Variants in EP400 observed in about 807,000 individuals in gnomAD.
EP400 encodes E1A-binding protein p400.
EP400 carries 105 observed loss-of-function variants against 354.1 expected under a neutral mutation model. That is an observed-to-expected ratio of 0.30 (90% CI 0.25 to 0.35). EP400 has a LOEUF of 0.35. Ranked by LOEUF, EP400 falls within the 10% of genes least tolerant of loss-of-function variation. EP400 has a pLI of 1.00. For missense variants in EP400, 3,280 were observed against 4,121.0 expected, an observed-to-expected ratio of 0.80 and a Z score of 5.59; for synonymous variants, 1,646 against 1,716.9, an observed-to-expected ratio of 0.96 and a Z score of 1.02.
At chr12:131,988,257 C>G (rs7953452) in intron 7 of EP400, among the ~76,000 whole-genome samples, 4 of 152,146 alleles carry the variant, frequency 2.6e-5, no homozygotes, top group African/African-American at 9.7e-5. Flanking sequence ...GTAATTAAGT[C>G]TCTGAGGTGG....
At position 132,003,305 on chromosome 12, in the gene EP400, G is replaced by A. The variant is rs973299345; in HGVS notation, c.2828-1772G>A. Among the ~76,000 whole-genome samples, 4 of 151,818 alleles carry A rather than the reference G, an allele frequency of 2.6e-5. No individual in the cohort carries two copies. In the South Asian group the frequency reaches 6.2e-4, roughly 24 times the overall value. On this transcript the variant is annotated intron_variant, in intron 12 of 52. Coordinates refer to ENST00000389561, the MANE Select transcript of EP400 (RefSeq NM_015409.5). ...AAAATGTGTAACAACTATTTACATAGCATTCACATTGTATTAGGTATTATA... is the reference window on the plus strand; with the variant it reads ...AAAATGTGTAACAACTATTTACATAACATTCACATTGTATTAGGTATTATA...
intron 2 of EP400, among the ~76,000 whole-genome samples, chr12:131,966,470 C>T (rs779551279): frequency 3.4e-5 from 5 of 145,096 alleles, no homozygotes; most frequent in East Asian, 4.1e-4. Flanking sequence ...TCAGGAGGCA[C>T]GAGAATTGCT....
In EP400 at chr12:132,050,175, G is replaced by A; in HGVS notation, c.7201-148G>A. The A allele has an allele frequency of 1.0e-5, 10 of 975,374 alleles. No homozygotes were observed. The highest frequency in any genetic ancestry group is 1.5e-5 in the Non-Finnish European group (10 of 665,042). 60.4% of individuals were successfully genotyped at this position (975,374 alleles called of 1,614,324 possible). A position where few individuals can be genotyped will look rare whatever the true frequency, so the allele number is the denominator to read the frequency against. ...ATGCCGCTGCTGTTGGGTTATGCCTGAACTTGGAAAGAAGGCCCAGGAAAA... is the reference window on the plus strand; with the variant it reads ...ATGCCGCTGCTGTTGGGTTATGCCTAAACTTGGAAAGAAGGCCCAGGAAAA... On this transcript the variant is annotated intron_variant, in intron 39 of 52. Transcript: ENST00000389561. The surrounding 1 kb of genome is among the most constrained non-coding windows in gnomAD (Gnocchi z 4.8).
intron 5 of EP400, among the ~76,000 whole-genome samples, chr12:131,985,575 C>CT (rs1407896729): frequency 6.6e-6 from 1 of 152,168 alleles, no homozygotes; most frequent in Non-Finnish European, 1.5e-5. Flanking sequence ...TTCTCTGTGA[C>CT]TTTAAGTCTG....
In EP400 at chr12:132,032,038, T is replaced by C. The variant is rs1237785796; in HGVS notation, c.5840T>C (p.Val1947Ala). ...AGCCGTACCACAGGTATAAACCTTG[T>C]AGAGGCGGACACCGTCGTGTTTTAT... ...THSRTTGINL[V>A]EADTVVFYDN... The change falls in exon 30 of 53, where the codon GTA becomes GCA. Residue 1947 changes from valine (V) to alanine (A), a missense_variant. This residue lies in a region of EP400 where 459 missense variants were observed against 496.9 expected (regional missense o/e 0.92). Coordinates refer to ENST00000389561, the MANE Select transcript of EP400 (RefSeq NM_015409.5). 2 of 1,614,194 alleles carry C rather than the reference T, an allele frequency of 1.2e-6. No homozygotes were observed. Among genetic ancestry groups the C allele is most frequent in the South Asian group, 2.2e-5 (2 of 91,084 alleles).
chr12:131,962,315 C>T (rs1239719427), intron 2 of EP400, among the ~76,000 whole-genome samples: 3 of 152,328 alleles, frequency 2.0e-5, no homozygotes, highest in African/African-American at 2.4e-5. Context: ...TGTTGGCTGA[C>T]GCTGACAGCT....
At chr12:131,965,416 A>G (rs1211351262) in intron 2 of EP400, among the ~76,000 whole-genome samples, 1 of 152,224 alleles carries the variant, frequency 6.6e-6, no homozygotes, top group African/African-American at 2.4e-5. Context: ...TTCTAACTCC[A>G]TCATTCTGTC....
At position 132,051,178 on chromosome 12, in the gene EP400, G is replaced by A. The variant is rs137987373; in HGVS notation, c.7394+523G>A. 5.3e-5 allele frequency among the ~76,000 whole-genome samples: 8 copies of A among 152,336 alleles called. No homozygotes were observed. The East Asian group carries it at 5.8e-4, about 11-fold the overall frequency. ...TGCCAGGCACATGGGTGTCTGTAGCGTTTCTGACTGTCGGACTCTTTCCAT... is the reference window on the plus strand; with the variant it reads ...TGCCAGGCACATGGGTGTCTGTAGCATTTCTGACTGTCGGACTCTTTCCAT... On this transcript the variant is annotated intron_variant, in intron 41 of 52. Transcript: ENST00000389561.
chr12:132,005,978 C>T (rs1893566121), intron 13 of EP400, 134 bp from the exon 14 acceptor site: 1 of 829,906 alleles, frequency 1.2e-6, no homozygotes, highest in Admixed American at 3.1e-5. Flanking sequence ...TTTTGGATTA[C>T]AAATAAAAAA....
intron 32 of EP400, among the ~76,000 whole-genome samples, chr12:132,040,012 C>T (rs934667332): frequency 1.3e-5 from 2 of 152,218 alleles, no homozygotes; most frequent in Non-Finnish European, 2.9e-5. Context: ...TGCACTCCAA[C>T]CTGGGTGACA....
chr12:132,050,280 C>A lies in EP400; in HGVS notation c.7201-43C>A, dbSNP rs574672291. On this transcript the variant is annotated intron_variant, in intron 39 of 52. Coordinates refer to ENST00000389561, the MANE Select transcript of EP400 (RefSeq NM_015409.5). This position sits in a 1 kb window ranked among gnomAD's most constrained non-coding sequence, Gnocchi z 4.8. ...CCTGTGTCCCACGCAGCCGTCTGTC[C>A]ATGCTGCCTAATTCAGATGCACTCT... is the stretch of plus-strand genomic sequence containing the variant. 2 of 1,610,346 alleles carry A rather than the reference C, an allele frequency of 1.2e-6. No homozygotes were observed. The highest frequency in any genetic ancestry group is 1.7e-6 in the Non-Finnish European group (2 of 1,177,458).
In EP400 at chr12:132,043,165, G is replaced by T. The variant is rs1469738674; in HGVS notation, c.6208-139G>T. The T allele has an allele frequency of 1.0e-5, 9 of 860,760 alleles. No individual in the cohort carries two copies. The African/African-American group carries it at 1.6e-4, about 15-fold the overall frequency. The allele number at this position is 860,760 out of a possible 1,614,324, so 53.3% of individuals were successfully genotyped here. On this transcript the variant is annotated intron_variant, in intron 32 of 52. Coordinates refer to ENST00000389561, the MANE Select transcript of EP400 (RefSeq NM_015409.5). ...ATTTTCACCTGTAAGAGGACCTCAG[G>T]GAAGGAGTGGATTACCTTTATGGAG...
chr12:132,002,757 G>A (rs1038726355), intron 12 of EP400, among the ~76,000 whole-genome samples: 1 of 152,218 alleles, frequency 6.6e-6, no homozygotes, highest in Admixed American at 6.5e-5. Flanking sequence ...GGTCACACCG[G>A]TCAGGCCAGG....
Position 132,006,297 on chromosome 12 carries a change from A to G in EP400, c.3121A>G (p.Thr1041Ala), listed in dbSNP as rs757961347. 2.5e-6 allele frequency: 4 copies of G among 1,614,008 alleles called. No homozygotes were observed. The South Asian group carries it at 3.3e-5, about 13-fold the overall frequency. The change falls in exon 14 of 53, where the codon ACC (threonine) becomes GCC (alanine). Residue 1041 changes from threonine (T) to alanine (A), a missense_variant. Around this residue, in one of 20 missense-constraint regions of EP400, gnomAD observed 800 missense variants for 840.0 expected, o/e 0.95. Transcript: ENST00000389561. ...GCCGAAGGGCAGTGCTCGGGTCACAACCTCGGTGAGGCGCTAAGCTTTCAA... is the reference window on the plus strand; with the variant it reads ...GCCGAAGGGCAGTGCTCGGGTCACAGCCTCGGTGAGGCGCTAAGCTTTCAA... ...ILPKGSARVT[T>A]SVKFNAPSLL...
chr12:131,985,238 C>CGAAA (rs1892815239), intron 5 of EP400, among the ~76,000 whole-genome samples: 3 of 152,262 alleles, frequency 2.0e-5, no homozygotes, highest in Admixed American at 2.0e-4. Flanking sequence ...CACACTTTCT[C>CGAAA]AGTCAAGGGC....
At chr12:132,043,966 C>A (rs1894998948) in intron 34 of EP400, among the ~76,000 whole-genome samples, 1 of 152,144 alleles carries the variant, frequency 6.6e-6, no homozygotes. Context: ...GGAGCTTGTT[C>A]TACCCCTGTA....
intron 1 of EP400, among the ~76,000 whole-genome samples, chr12:131,956,761 G>C (rs1891714409): frequency 6.6e-6 from 1 of 152,058 alleles, no homozygotes; most frequent in Admixed American, 6.6e-5. Flanking sequence ...AGTGGATCTA[G>C]GGAAATATTT....
intron 27 of EP400, among the ~76,000 whole-genome samples, chr12:132,028,712 CCGGTGGGCA>C (rs1334868745): frequency 6.6e-6 from 1 of 152,218 alleles, no homozygotes; most frequent in Non-Finnish European, 1.5e-5. Flanking sequence ...AATCTGAGCA[CCGGTGGGCA>C]CGGTGGGCAC....
chr12:132,024,886 G>A (rs1395049211), intron 24 of EP400, among the ~76,000 whole-genome samples: 2 of 149,758 alleles, frequency 1.3e-5, no homozygotes, highest in African/African-American at 2.5e-5. Context: ...CAGCCTCAGC[G>A]ACTGCCTTCC....
Sources: allele counts gnomAD v4.1 joint callset (sites outside exome capture counted in the v4.1 genomes callset), GRCh38; gene constraint gnomAD v4.1.1; regional missense constraint gnomAD v4.1.1; non-coding constraint Gnocchi (gnomAD v3.1); transcripts MANE v1.5; gene names NCBI Gene and HGNC (gene_info 2026-07-23, HGNC 2026-07-21).